Variants in ACSM3 observed in about 807,000 individuals in gnomAD.
ACSM3 encodes acyl-CoA synthetase medium chain family member 3.
A neutral mutation model predicts 74.1 loss-of-function variants in ACSM3; 61 were observed. The observed-to-expected ratio is 0.82, with a 90% CI of 0.67 to 1.02. The LOEUF (loss-of-function observed/expected upper bound fraction) is 1.02, where lower values mean the gene tolerates loss of function less well. Among genes scored for constraint, ACSM3 ranks in the 50% least tolerant of loss-of-function variants. The pLI is 0.00. For missense variants in ACSM3, 660 were observed against 697.0 expected, an observed-to-expected ratio of 0.95 and a Z score of 0.60; for synonymous variants, 213 against 241.5, an observed-to-expected ratio of 0.88 and a Z score of 1.09.
chr16:20,762,769 C>T (rs993187996), upstream of ACSM3, among the ~76,000 whole-genome samples: 4 of 151,892 alleles, frequency 2.6e-5, no homozygotes, highest in African/African-American at 4.8e-5. Context: ...GGAGAATTTC[C>T]TCAACTTGAT....
chr16:20,759,505 A>C (rs1463863307), upstream of ACSM3, among the ~76,000 whole-genome samples: 1 of 149,040 alleles, frequency 6.7e-6, no homozygotes, highest in South Asian at 2.2e-4. Flanking sequence ...GCTTGCAGTG[A>C]GCCGAGATCA....
rs1398244611 is a variant in ACSM3 at position 20,776,035 on chromosome 16, C to T, written c.416C>T (p.Ala139Val). The change falls in exon 3 of 14, where the codon GCC becomes GTC. Residue 139 changes from alanine to valine, a missense_variant. Transcript: ENST00000289416. ...RVPEWWLANV[A>V]CLRTGTVLIP... ...CCAGAGTGGTGGCTTGCAAATGTGG[C>T]CTGTCTGCGAACAGGTTAGTAATGT... is the stretch of plus-strand genomic sequence containing the variant. The T allele has an allele frequency of 6.2e-7, 1 of 1,614,096 alleles. No homozygotes were observed. The highest frequency in any genetic ancestry group is 1.7e-5 in the Admixed American group (1 of 60,020).
rs983081653 is a variant in ACSM3, at chr16:20,786,499, C to T, written c.1224+341C>T. Among the ~76,000 whole-genome samples the T allele has an allele frequency of 4.6e-5, 7 of 152,110 alleles. No homozygotes were observed. The South Asian group carries it at 1.2e-3, about 27-fold the overall frequency. ...AGTTCAAGACCAGCCTGGGCAACAACGTGAGACTTTGTCTCTACAAAAAAA... is the reference window on the plus strand; with the variant it reads ...AGTTCAAGACCAGCCTGGGCAACAATGTGAGACTTTGTCTCTACAAAAAAA... On this transcript the variant is annotated intron_variant, in intron 9 of 13. Coordinates refer to ENST00000289416, the MANE Select transcript of ACSM3 (RefSeq NM_005622.4).
intron 1 of ACSM3, among the ~76,000 whole-genome samples, chr16:20,677,194 G>A (rs2020338961): frequency 6.6e-6 from 1 of 150,376 alleles, no homozygotes; most frequent in South Asian, 2.1e-4. Context: ...CCTCCTCTAG[G>A]AGGCTAACCA....
intron 1 of ACSM3, among the ~76,000 whole-genome samples, chr16:20,745,613 A>G (rs1316236965): frequency 6.6e-6 from 1 of 151,702 alleles, no homozygotes; most frequent in African/African-American, 2.4e-5. Context: ...AAATAAATAG[A>G]GACCACTTGG....
At chr16:20,683,093 T>TC (rs2079479071) in intron 1 of ACSM3, among the ~76,000 whole-genome samples, 1 of 151,946 alleles carries the variant, frequency 6.6e-6, no homozygotes, top group Non-Finnish European at 1.5e-5. Flanking sequence ...GACTTTTTTT[T>TC]CCTCTGAATT....
intron 2 of ACSM3, among the ~76,000 whole-genome samples, chr16:20,751,573 A>C (rs981047992): frequency 6.6e-5 from 10 of 152,142 alleles, no homozygotes; most frequent in Non-Finnish European, 8.8e-5. Context: ...AATTCTATAA[A>C]ACACTGCTCA....
At chr16:20,737,883 C>T (rs907038930) in intron 1 of ACSM3, 5 of 1,613,428 alleles carry the variant, frequency 3.1e-6, no homozygotes, top group Non-Finnish European at 4.2e-6. Context: ...GTAACATTCG[C>T]AAAATAACTC....
chr16:20,714,789 G>T (rs907303366), intron 1 of ACSM3, among the ~76,000 whole-genome samples: 25 of 152,280 alleles, frequency 1.6e-4, no homozygotes, highest in African/African-American at 6.0e-4. Flanking sequence ...CTAGCAGGTG[G>T]TGGATATATG....
chr16:20,727,267 T>G, intron 1 of ACSM3: 2 of 500,930 alleles, frequency 4.0e-6, no homozygotes, highest in Non-Finnish European at 7.8e-6. Flanking sequence ...GCTTGCTGCT[T>G]GAATGTCCTA....
At chr16:20,695,220 T>G (rs1050367382) in intron 1 of ACSM3, among the ~76,000 whole-genome samples, 7 of 152,176 alleles carry the variant, frequency 4.6e-5, no homozygotes, top group African/African-American at 1.7e-4. Context: ...CGGGCTCAAA[T>G]TCCAGCACTT....
Position 20,737,197 on chromosome 16 carries a change from AACAG to A in ACSM3, c.-189-12708_-189-12705del, listed in dbSNP as rs1445881577. 11 of 1,614,214 alleles carry A rather than the reference AACAG, an allele frequency of 6.8e-6. No individual in the cohort carries two copies. Among genetic ancestry groups the A allele is most frequent in the Non-Finnish European group, 8.5e-6 (10 of 1,180,038 alleles). On this transcript the variant is annotated intron_variant, in intron 1 of 3. Coordinates refer to the ACSM3 transcript ENST00000561584. Reference sequence around the variant, plus strand: ...ATGTAATCTTTCACAACACTCAGGCAACAGACAGCTTTGATGATTTCTACTACCA... The same window carrying A: ...ATGTAATCTTTCACAACACTCAGGCAACAGCTTTGATGATTTCTACTACCA...
In ACSM3 at chr16:20,719,757, C is replaced by T. The variant is rs78597731; in HGVS notation, c.-189-30153C>T. On this transcript the variant is annotated intron_variant, in intron 1 of 3. Coordinates refer to the ACSM3 transcript ENST00000561584. ...CAAGATAATAGCTGATAAACCATGA[C>T]TCTTGTGCAGAGCAGAGATTAAAAG... 4.1e-3 allele frequency among the ~76,000 whole-genome samples: 629 copies of T among 152,324 alleles called. 38 individuals carry two copies. The East Asian group carries it at 0.11, about 27-fold the overall frequency.
At chr16:20,780,504 G>A in intron 4 of ACSM3, 2 of 902,662 alleles carry the variant, frequency 2.2e-6, no homozygotes, top group Non-Finnish European at 3.3e-6. Context: ...ATTATAAATG[G>A]GCCTTTGATG....
At chr16:20,738,828 A>C (rs557123644) in intron 1 of ACSM3, 11 of 1,543,970 alleles carry the variant, frequency 7.1e-6, no homozygotes, top group Non-Finnish European at 9.7e-6. Context: ...TTTTGTAAGC[A>C]GTATTCCCTG....
intron 1 of ACSM3, among the ~76,000 whole-genome samples, chr16:20,690,118 G>A (rs944522983): frequency 6.6e-6 from 1 of 152,206 alleles, no homozygotes; most frequent in Non-Finnish European, 1.5e-5. Context: ...AGGTGGTGGG[G>A]AGGAAGATGC....
intron 1 of ACSM3, among the ~76,000 whole-genome samples, chr16:20,764,414 A>AT (rs559567838): frequency 2.2e-4 from 34 of 151,230 alleles, no homozygotes; most frequent in South Asian, 1.0e-3. Context: ...AAGTTGATAA[A>AT]TTTTTTTTTT....
intron 2 of ACSM3, 120 bp from the exon 3 acceptor site, chr16:20,775,719 T>C (rs1457843458): frequency 2.1e-6 from 2 of 964,444 alleles, no homozygotes; most frequent in Non-Finnish European, 3.2e-6. Context: ...AAATTCTCCA[T>C]CCATGTTCTA....
intron 1 of ACSM3, among the ~76,000 whole-genome samples, chr16:20,717,849 GGAA>G (rs1450046979): frequency 6.7e-6 from 1 of 150,296 alleles, no homozygotes; most frequent in Non-Finnish European, 1.5e-5. Context: ...AGAAGGAGGA[GGAA>G]GAGGAGGAGA....
Sources: gnomAD v4.1 joint callset for allele counts (sites outside exome capture counted in the v4.1 genomes callset) on GRCh38, gnomAD v4.1.1 for gene constraint, MANE v1.5 for transcripts, NCBI Gene and HGNC (gene_info 2026-07-23, HGNC 2026-07-21) for gene names.